MYO18B: variants seen among roughly 807,000 people sequenced by gnomAD.
The protein encoded by MYO18B is myosin XVIIIB.
MYO18B carries 204 observed loss-of-function variants against 273.0 expected under a neutral mutation model. The observed-to-expected ratio is 0.75, with a 90% CI of 0.67 to 0.84. The LOEUF (loss-of-function observed/expected upper bound fraction) is 0.84, where lower values mean the gene tolerates loss of function less well. Among genes scored for constraint, MYO18B ranks in the 40% least tolerant of loss-of-function variants. The pLI is 0.00. For synonymous variants in MYO18B, 1,330 were observed against 1,305.7 expected, an observed-to-expected ratio of 1.02 and a Z score of -0.40; for missense variants, 3,212 against 3,287.6, an observed-to-expected ratio of 0.98 and a Z score of 0.56.
At chr22:26,049,916 T>C in the MYO18B span, among the ~76,000 whole-genome samples, 4 of 152,248 alleles carry the variant, frequency 2.6e-5, no homozygotes, top group African/African-American at 9.6e-5. Context: ...TAGCATACTT[T>C]CTTTTGCACT....
chr22:25,977,680 A>G (rs1030313774), intron 39 of MYO18B, among the ~76,000 whole-genome samples: 1 of 152,222 alleles, frequency 6.6e-6, no homozygotes, highest in African/African-American at 2.4e-5. Flanking sequence ...GCATCAAAAC[A>G]GAGGAGACCC....
At chr22:25,922,476 G>A (rs140473633) in intron 34 of MYO18B, among the ~76,000 whole-genome samples, 2 of 152,234 alleles carry the variant, frequency 1.3e-5, no homozygotes, top group African/African-American at 2.4e-5. Context: ...ATTTGCTACC[G>A]GTCCCCATGG....
intron 39 of MYO18B, among the ~76,000 whole-genome samples, chr22:25,978,460 A>T (rs990137089): frequency 6.6e-6 from 1 of 152,222 alleles, no homozygotes; most frequent in African/African-American, 2.4e-5. Flanking sequence ...GGCAGCAAAA[A>T]GAAAGGGCGA....
Position 25,763,308 on chromosome 22 carries a change from G to C in MYO18B, c.117G>C (p.Lys39Asn), listed in dbSNP as rs750992325. Residue 39 changes from lysine to asparagine, a missense_variant, in exon 3 of 44, where the codon AAG (lysine) becomes AAC (asparagine). Physicochemically the swap from Lys to Asn is moderately conservative, Grantham distance 94 (BLOSUM62 0). Transcript: ENST00000335473. ...CTGTCATCCCAGGGGGCTTCATTAA[G>C]CAACTGGTCCGGGGGACTGAAAAAG... is the stretch of plus-strand genomic sequence containing the variant. The part of the protein sequence containing the change: ...LFSVIPGGFI[K>N]QLVRGTEKEA... 1 of 1,613,196 alleles carries C rather than the reference G, an allele frequency of 6.2e-7. No individual in the cohort carries two copies.
intron 21 of MYO18B, among the ~76,000 whole-genome samples, chr22:25,853,799 G>C (rs5996990): frequency 2.0e-5 from 3 of 152,150 alleles, no homozygotes. Flanking sequence ...ATTACAAGGA[G>C]AATGGACTTG....
chr22:25,834,952 C>T (rs561698115), intron 16 of MYO18B, among the ~76,000 whole-genome samples: 68 of 152,226 alleles, frequency 4.5e-4, no homozygotes, highest in Non-Finnish European at 7.9e-4. Flanking sequence ...GTGTAATTTC[C>T]AGAGGGTTCC....
At chr22:25,994,917 A>T (rs1030240633) in intron 40 of MYO18B, among the ~76,000 whole-genome samples, 1 of 152,244 alleles carries the variant, frequency 6.6e-6, no homozygotes, top group African/African-American at 2.4e-5. Context: ...ATAGCAAGAG[A>T]TTGCTTTTCT....
At chr22:25,751,649 G>T (rs910888245) in intron 1 of MYO18B, among the ~76,000 whole-genome samples, 1 of 152,212 alleles carries the variant, frequency 6.6e-6, no homozygotes, top group Non-Finnish European at 1.5e-5. Flanking sequence ...GAGTCTGTCT[G>T]TTCTGTGGGA....
rs1284938398 is a variant in MYO18B at position 25,851,553 on chromosome 22, A to G, written c.3859A>G (p.Thr1287Ala). The G allele has an allele frequency of 6.4e-7, 1 of 1,558,652 alleles. No homozygotes were observed. The highest frequency in any genetic ancestry group is 1.2e-5 in the South Asian group (1 of 84,310). ...TCCACTCCTGAAGAAGCTCATGTCG[A>G]CCTCCGAGGGAATAGATGAAAGGAA... Reference protein sequence around the residue: ...DAPLLKKLMSTSEGIDERKAV... With the variant: ...DAPLLKKLMSASEGIDERKAV... The change falls in exon 21 of 44, where the codon ACC becomes GCC. Residue 1287 changes from threonine to alanine, a missense_variant. Thr to Ala is a moderately conservative substitution (Grantham distance 58). Transcript: ENST00000335473.
chr22:25,860,911 C>T lies in MYO18B; in HGVS notation c.3886-7409C>T, dbSNP rs532991555. On this transcript the variant is annotated intron_variant, in intron 21 of 43. Transcript: ENST00000335473. Reference sequence around the variant, plus strand: ...TATTTTTTTTTTTTTTGAGACAGGGCAGGCTCTTGCTCTGTTGCCCTGGCT... The same window carrying T: ...TATTTTTTTTTTTTTTGAGACAGGGTAGGCTCTTGCTCTGTTGCCCTGGCT... Among the ~76,000 whole-genome samples, 4 of 150,182 alleles carry T rather than the reference C, an allele frequency of 2.7e-5. No homozygotes were observed. In the South Asian group the frequency reaches 8.4e-4, roughly 32 times the overall value.
At chr22:25,952,511 C>G (rs1225471252) in intron 38 of MYO18B, 88 bp downstream of exon 38, 1 of 1,503,152 alleles carries the variant, frequency 6.7e-7, no homozygotes, top group Admixed American at 1.9e-5. Context: ...ACTCATCTAT[C>G]TACTCACATG....
intron 19 of MYO18B, among the ~76,000 whole-genome samples, chr22:25,846,550 C>T (rs2090253600): frequency 6.6e-6 from 1 of 152,174 alleles, no homozygotes; most frequent in Non-Finnish European, 1.5e-5. Context: ...TGGGGGAGTT[C>T]CCAGAAGCTA....
intron 13 of MYO18B, among the ~76,000 whole-genome samples, chr22:25,825,897 C>G (rs1461788467): frequency 6.6e-6 from 1 of 152,170 alleles, no homozygotes; most frequent in Non-Finnish European, 1.5e-5. Context: ...TGTCAAATTT[C>G]TCTCCAGAAA....
chr22:25,817,663 C>A (rs552761093), intron 12 of MYO18B, among the ~76,000 whole-genome samples: 4 of 152,100 alleles, frequency 2.6e-5, no homozygotes, highest in Non-Finnish European at 4.4e-5. Flanking sequence ...TCATTAGATC[C>A]GCAAGAGATT....
At chr22:26,045,981 T>C in the MYO18B span, among the ~76,000 whole-genome samples, 1 of 152,184 alleles carries the variant, frequency 6.6e-6, no homozygotes, top group Non-Finnish European at 1.5e-5. Context: ...TCACCTCTCA[T>C]TGGGGAAAAA....
chr22:25,802,888 A>G (rs1174003973), intron 12 of MYO18B, among the ~76,000 whole-genome samples: 4 of 151,500 alleles, frequency 2.6e-5, no homozygotes. Context: ...CTTGTTATGG[A>G]TGTTTGACAT....
chr22:26,017,055 TCC>T (rs1935397817), intron 42 of MYO18B, among the ~76,000 whole-genome samples: 1 of 145,330 alleles, frequency 6.9e-6, no homozygotes, highest in African/African-American at 2.6e-5. Context: ...CTTCCTTCCT[TCC>T]TTCCTTCCTT....
Position 25,903,744 on chromosome 22 carries a change from G to A in MYO18B, c.5061G>A (p.Lys1687=). Residue 1687 remains lysine, a synonymous_variant, in exon 31 of 44, where the codon AAG becomes AAA. Transcript: ENST00000335473. ...SLGENCVAGL[K]ERLWKLESSA... is the part of the protein sequence containing the mutation. ...GGGAAAATTGCGTTGCTGGCTTGAA[G>A]GAGAGGCTCTGGAAGTTGGAATCCA... The A allele has an allele frequency of 6.2e-7, 1 of 1,605,440 alleles. No individual in the cohort carries two copies. The highest frequency in any genetic ancestry group is 8.5e-7 in the Non-Finnish European group (1 of 1,175,980).
the MYO18B span, among the ~76,000 whole-genome samples, chr22:26,051,453 G>A: frequency 7.9e-4 from 121 of 152,218 alleles, no homozygotes; most frequent in Non-Finnish European, 1.4e-3. Context: ...TCGATCTCTT[G>A]TAATTGGTCC....
Sources: allele counts gnomAD v4.1 joint callset (sites outside exome capture counted in the v4.1 genomes callset), GRCh38; gene constraint gnomAD v4.1.1; transcripts MANE v1.5; gene names NCBI Gene and HGNC (gene_info 2026-07-23, HGNC 2026-07-21).